SPOCK1: variants seen among roughly 807,000 people sequenced by gnomAD.
SPOCK1 encodes the protein testican-1.
In SPOCK1, 23 loss-of-function variants were observed where a neutral mutation model predicts 55.3. The observed-to-expected ratio is 0.42, with a 90% CI of 0.30 to 0.59. The LOEUF (loss-of-function observed/expected upper bound fraction) is 0.59, where lower values mean the gene tolerates loss of function less well. Among genes scored for constraint, SPOCK1 ranks in the 20% least tolerant of loss-of-function variants. SPOCK1 has a pLI of 0.22. For synonymous variants in SPOCK1, 226 were observed against 221.0 expected (o/e 1.02, Z -0.20); for missense variants, 499 against 552.5 (o/e 0.90, Z 0.97).
At chr5:137,207,894 C>T (rs1755547219) in intron 3 of SPOCK1, among the ~76,000 whole-genome samples, 1 of 152,130 alleles carries the variant, frequency 6.6e-6, no homozygotes, top group South Asian at 2.1e-4. Flanking sequence ...ACACGGTTTA[C>T]AATCAGAGCA....
intron 2 of SPOCK1, among the ~76,000 whole-genome samples, chr5:137,423,310 G>C (rs1377695447): frequency 2.6e-5 from 4 of 152,228 alleles, no homozygotes; most frequent in Non-Finnish European, 5.9e-5. Flanking sequence ...TCTCTTCAAA[G>C]CTGTCAGACA....
chr5:137,418,942 T>C (rs542492642), intron 2 of SPOCK1, among the ~76,000 whole-genome samples: 3 of 152,220 alleles, frequency 2.0e-5, no homozygotes, highest in Admixed American at 6.5e-5. Context: ...AGGTCTGACA[T>C]TTAAGTCTTT....
intron 2 of SPOCK1, among the ~76,000 whole-genome samples, chr5:137,426,216 C>T (rs1393394844): frequency 6.6e-6 from 1 of 152,172 alleles, no homozygotes; most frequent in Non-Finnish European, 1.5e-5. Context: ...GTGTTAGCTG[C>T]CTATCATCAT....
At chr5:137,449,605 G>A (rs562834566) in intron 2 of SPOCK1, among the ~76,000 whole-genome samples, 74 of 152,082 alleles carry the variant, frequency 4.9e-4, no homozygotes, top group Non-Finnish European at 3.5e-4. Context: ...GATTAAACAA[G>A]GAGCCTGGCA....
At chr5:137,255,400 A>T (rs895415114) in intron 3 of SPOCK1, among the ~76,000 whole-genome samples, 1 of 152,220 alleles carries the variant, frequency 6.6e-6, no homozygotes, top group South Asian at 2.1e-4. Context: ...TGCGCATGTG[A>T]TGGAGTAACA....
intron 6 of SPOCK1, among the ~76,000 whole-genome samples, chr5:137,036,146 G>T (rs745551768): frequency 3.3e-5 from 5 of 152,194 alleles, no homozygotes; most frequent in Non-Finnish European, 7.3e-5. Flanking sequence ...TAGTGCATCT[G>T]TTTTCTTGAA....
At chr5:137,469,320 G>A (rs1753685376) in intron 2 of SPOCK1, among the ~76,000 whole-genome samples, 1 of 152,134 alleles carries the variant, frequency 6.6e-6, no homozygotes, top group African/African-American at 2.4e-5. Context: ...AACCCGCCAG[G>A]AACAACTCTG....
chr5:137,002,047 C>A (rs751691570), intron 6 of SPOCK1, among the ~76,000 whole-genome samples: 2 of 152,162 alleles, frequency 1.3e-5, no homozygotes, highest in Admixed American at 6.5e-5. Flanking sequence ...TTAGAGAATG[C>A]GTCATTTTAT....
intron 3 of SPOCK1, among the ~76,000 whole-genome samples, chr5:137,164,741 T>C (rs1754616359): frequency 6.6e-6 from 1 of 151,832 alleles, no homozygotes; most frequent in Non-Finnish European, 1.5e-5. Context: ...TGACTAAAGA[T>C]CCCTTAGGCC....
intron 4 of SPOCK1, among the ~76,000 whole-genome samples, chr5:137,130,438 G>A (rs1753852039): frequency 6.6e-6 from 1 of 152,152 alleles, no homozygotes; most frequent in African/African-American, 2.4e-5. Flanking sequence ...CTGAATTAAT[G>A]ATCCATAACC....
intron 2 of SPOCK1, among the ~76,000 whole-genome samples, chr5:137,427,180 G>A (rs1752649659): frequency 1.3e-5 from 2 of 152,286 alleles, no homozygotes; most frequent in East Asian, 1.9e-4. Context: ...CCTGAATGAT[G>A]CCAAGAAGCA....
At chr5:137,082,517 G>A (rs548957716) in intron 5 of SPOCK1, among the ~76,000 whole-genome samples, 14 of 152,320 alleles carry the variant, frequency 9.2e-5, no homozygotes, top group Non-Finnish European at 1.6e-4. Context: ...CAGGCATTCA[G>A]GGACAAGACA....
intron 2 of SPOCK1, among the ~76,000 whole-genome samples, chr5:137,348,864 T>C (rs926436090): frequency 5.3e-5 from 8 of 152,024 alleles, no homozygotes; most frequent in Non-Finnish European, 8.8e-5. Context: ...ATGGGAAAAA[T>C]AGAGGTAAGC....
chr5:137,162,134 T>A (rs1417488417), intron 3 of SPOCK1, among the ~76,000 whole-genome samples: 6 of 150,248 alleles, frequency 4.0e-5, no homozygotes, highest in Non-Finnish European at 7.4e-5. Flanking sequence ...ATGCTTTCTT[T>A]TTTTTTTTTT....
intron 6 of SPOCK1, among the ~76,000 whole-genome samples, chr5:136,998,725 G>T (rs1561575236): frequency 6.6e-6 from 1 of 152,238 alleles, no homozygotes; most frequent in Non-Finnish European, 1.5e-5. Context: ...TTTGGTGTGA[G>T]AACAATGGTC....
At chr5:137,457,947 A>G (rs1420209266) in intron 2 of SPOCK1, among the ~76,000 whole-genome samples, 2 of 152,228 alleles carry the variant, frequency 1.3e-5, no homozygotes, top group Admixed American at 1.3e-4. Context: ...GTTATTAAAA[A>G]TAAAGAAAAC....
At chr5:137,443,037 C>T (rs1356659456) in intron 2 of SPOCK1, among the ~76,000 whole-genome samples, 1 of 152,108 alleles carries the variant, frequency 6.6e-6, no homozygotes, top group African/African-American at 2.4e-5. Context: ...GTTTTCTGGA[C>T]TCTGGAGCCT....
intron 6 of SPOCK1, among the ~76,000 whole-genome samples, chr5:137,030,930 T>A (rs73790641): frequency 6.6e-6 from 1 of 152,198 alleles, no homozygotes; most frequent in African/African-American, 2.4e-5. Flanking sequence ...TTGTGATATA[T>A]CTTAAAGTCA....
At chr5:137,268,744 T>A (rs1756905718) in intron 2 of SPOCK1, among the ~76,000 whole-genome samples, 1 of 152,116 alleles carries the variant, frequency 6.6e-6, no homozygotes. Context: ...CAACCGTTCA[T>A]CCTTCCAACT....
Sources: gnomAD v4.1 joint callset for allele counts (sites outside exome capture counted in the v4.1 genomes callset) on GRCh38, gnomAD v4.1.1 for gene constraint, MANE v1.5 for transcripts, NCBI Gene and HGNC (gene_info 2026-07-23, HGNC 2026-07-21) for gene names.